The following DIS3 variants were observed in gnomAD, a reference collection of about 807,000 sequenced individuals.
The protein encoded by DIS3 is exosome complex exonuclease RRP44.
A neutral mutation model predicts 113.0 loss-of-function variants in DIS3; 103 were observed. That is an observed-to-expected ratio of 0.91 (90% CI 0.78 to 1.07). DIS3 has a LOEUF of 1.07. Among genes scored for constraint, DIS3 ranks in the 50% least tolerant of loss-of-function variants. The pLI is 0.00. For missense variants in DIS3, 1,121 were observed against 1,167.1 expected, an observed-to-expected ratio of 0.96 and a Z score of 0.58; for synonymous variants, 402 against 394.3, an observed-to-expected ratio of 1.02 and a Z score of -0.23.
In DIS3 at chr13:72,762,039, T is replaced by A; in HGVS notation, c.2226A>T (p.Ile742=). The A allele has an allele frequency of 6.2e-7, 1 of 1,614,154 alleles. No homozygotes were observed. Among genetic ancestry groups the A allele is most frequent in the Non-Finnish European group, 8.5e-7 (1 of 1,180,032 alleles). Residue 742 remains isoleucine, a synonymous_variant, in exon 17 of 21, where the codon ATA becomes ATT. Transcript: ENST00000377767. Reference sequence around the variant, plus strand: ...CTTGCATCATACAGCGAGTGGCTAATATTCTCAACAGAGTGTTTAGATATG... The same window carrying A: ...CTTGCATCATACAGCGAGTGGCTAAAATTCTCAACAGAGTGTTTAGATATG... The part of the protein sequence containing the change: ...TFPYLNTLLR[I]LATRCMMQAV...
Position 72,761,790 on chromosome 13 carries a change from C to T in DIS3, c.2367G>A (p.Arg789=). Residue 789 remains arginine, a synonymous_variant, in exon 18 of 21, where the codon CGG becomes CGA. Transcript: ENST00000377767. ...IRRYADVIVH[R]LLAVAIGADC... Reference sequence around the variant, plus strand: ...CAGCCCCAATAGCCACAGCCAAAAGCCGATGAACAATGACATCTGCGTATC... The same window carrying T: ...CAGCCCCAATAGCCACAGCCAAAAGTCGATGAACAATGACATCTGCGTATC... 6.2e-7 allele frequency: 1 copy of T among 1,613,174 alleles called. No individual in the cohort carries two copies. The highest frequency in any genetic ancestry group is 8.5e-7 in the Non-Finnish European group (1 of 1,179,808).
Position 72,774,050 on chromosome 13 carries a change from C to T in DIS3, c.997G>A (p.Ala333Thr), listed in dbSNP as rs147656371. 1.8e-4 allele frequency: 284 copies of T among 1,589,386 alleles called. No homozygotes were observed. Among genetic ancestry groups the T allele is most frequent in the Non-Finnish European group, 2.3e-4 (268 of 1,171,508 alleles). The change falls in exon 7 of 21, where the codon GCT becomes ACT. Residue 333 changes from alanine to threonine, a missense_variant. Ala to Thr is a moderately conservative substitution (Grantham distance 58). Coordinates refer to ENST00000377767, the MANE Select transcript of DIS3 (RefSeq NM_014953.5). ...GGCTTCAACATTTTCTCGCTTACAG[C>T]AGTCTTAAGCTGAGATATAAAAATT... ...EEETERMLKT[A>T]VSEKMLKPTG...
chr13:72,772,086 C>A, intron 10 of DIS3, 73 bp downstream of exon 10: 1 of 1,364,348 alleles, frequency 7.3e-7, no homozygotes, highest in South Asian at 1.3e-5. Context: ...CAAGCAAATT[C>A]TATTCTAGTT....
In DIS3 at chr13:72,771,794, C is replaced by T; in HGVS notation, c.1605+1G>A. ...TAAATTTTTAAATTCAATACATTTACCTTTTCACAAAGATACACAGTTGTT... is the reference window on the plus strand; with the variant it reads ...TAAATTTTTAAATTCAATACATTTATCTTTTCACAAAGATACACAGTTGTT... On this transcript the variant is annotated splice_donor_variant, in intron 11 of 20. Transcript: ENST00000377767. LOFTEE classifies it high-confidence loss of function. The T allele has an allele frequency of 1.2e-6, 2 of 1,612,222 alleles. No homozygotes were observed. Among genetic ancestry groups the T allele is most frequent in the Non-Finnish European group, 1.7e-6 (2 of 1,179,462 alleles).
rs987997043 is a variant in DIS3 at position 72,778,247 on chromosome 13, T to G, written c.520A>C (p.Ile174Leu). The G allele has an allele frequency of 5.6e-6, 9 of 1,609,244 alleles. No homozygotes were observed. Among genetic ancestry groups the G allele is most frequent in the African/African-American group, 4.0e-5 (3 of 74,912 alleles). ...TCTTTGTTTCTCCTGTCATTTGTTATGAAGATAACTTGCAGCTGGTTGTCT... is the reference window on the plus strand; with the variant it reads ...TCTTTGTTTCTCCTGTCATTTGTTAGGAAGATAACTTGCAGCTGGTTGTCT... ...SADNQLQVIFITNDRRNKEKA... is the reference protein window; with the variant it reads ...SADNQLQVIFLTNDRRNKEKA... The change falls in exon 3 of 21, where the codon ATA (isoleucine) becomes CTA (leucine). Residue 174 changes from isoleucine to leucine, a missense_variant. By Grantham distance (5) the Ile-to-Leu change is conservative. Coordinates refer to ENST00000377767, the MANE Select transcript of DIS3 (RefSeq NM_014953.5).
Position 72,755,595 on chromosome 13 carries a change from C to T in DIS3, c.*4200G>A, listed in dbSNP as rs1027514349. Reference sequence around the variant, plus strand: ...TGAAACTATGTTAAAACTGAAGGCACTATATATTTTTACATAAAAGCTTGA... The same window carrying T: ...TGAAACTATGTTAAAACTGAAGGCATTATATATTTTTACATAAAAGCTTGA... On this transcript the variant is annotated 3_prime_UTR_variant, in exon 21 of 21. Coordinates refer to ENST00000377767, the MANE Select transcript of DIS3 (RefSeq NM_014953.5). 5 of 342,134 alleles carry T rather than the reference C, an allele frequency of 1.5e-5. No individual in the cohort carries two copies. Among genetic ancestry groups the T allele is most frequent in the African/African-American group, 2.1e-5 (1 of 47,570 alleles). The allele number at this position is 342,134 out of a possible 1,614,324, so 21.2% of individuals were successfully genotyped here.
At chr13:72,775,433 G>A in intron 5 of DIS3, 58 bp from the exon 6 acceptor site, 2 of 1,499,880 alleles carry the variant, frequency 1.3e-6, no homozygotes, top group Non-Finnish European at 1.8e-6. Flanking sequence ...ATATAATAAA[G>A]GGAAGATCAT....
In DIS3 at chr13:72,762,988, T is replaced by C. The variant is rs371592837; in HGVS notation, c.2127+463A>G. 7.9e-5 allele frequency among the ~76,000 whole-genome samples: 12 copies of C among 152,192 alleles called. No individual in the cohort carries two copies. In the East Asian group the frequency reaches 1.2e-3, roughly 15 times the overall value. ...TTAGTCTAAACATCCAGCTTTAGCA[T>C]AGGGTGCTCTTTAAAAACATTAGGC... On this transcript the variant is annotated intron_variant, in intron 16 of 20. Coordinates refer to ENST00000377767, the MANE Select transcript of DIS3 (RefSeq NM_014953.5).
chr13:72,763,464 GC>G lies in DIS3; in HGVS notation c.2113del (p.Ala705GlnfsTer32). The G allele has an allele frequency of 6.2e-7, 1 of 1,613,250 alleles. No homozygotes were observed. The highest frequency in any genetic ancestry group is 8.5e-7 in the Non-Finnish European group (1 of 1,179,836). ...GTAGGACCTTACCCTTGACCTGGCT[GC>G]CTTAACAAGAATTTCATAATTTGAT... ...PPSNYEILVK[A>X]ARSRNLEIKT... is the part of the protein sequence containing the mutation. On this transcript the variant is annotated frameshift_variant, in exon 16 of 21. Transcript: ENST00000377767. LOFTEE classifies it high-confidence loss of function.
Position 72,775,210 on chromosome 13 carries a change from C to A in DIS3, c.987+1G>T. 2 of 1,610,414 alleles carry A rather than the reference C, an allele frequency of 1.2e-6. No homozygotes were observed. The highest frequency in any genetic ancestry group is 1.7e-6 in the Non-Finnish European group (2 of 1,178,362). On this transcript the variant is annotated splice_donor_variant, in intron 6 of 20. Transcript: ENST00000377767. LOFTEE classifies it high-confidence loss of function. ...AAAAAAAATCCTGCTTAGATTCATA[C>A]CATTCGTTCTGTCTCTTCTTCTTTC...
At position 72,775,225 on chromosome 13, in the gene DIS3, C is replaced by G; in HGVS notation, c.973G>C (p.Glu325Gln). The G allele has an allele frequency of 1.9e-6, 3 of 1,612,904 alleles. No individual in the cohort carries two copies. The highest frequency in any genetic ancestry group is 1.7e-4 in the Middle Eastern group (1 of 6,056). ...TAGATTCATACCATTCGTTCTGTCT[C>G]TTCTTCTTTCTCCACATCTTCTTCA... is the stretch of plus-strand genomic sequence containing the variant. ...QNEEDVEKEE[E>Q]TERMLKTAVS... Residue 325 changes from glutamate (E) to glutamine (Q), a missense_variant, in exon 6 of 21, where the codon GAG becomes CAG. This residue lies in a region of DIS3 where 861 missense variants were observed against 915.5 expected (regional missense o/e 0.94). Coordinates refer to ENST00000377767, the MANE Select transcript of DIS3 (RefSeq NM_014953.5).
Position 72,757,755 on chromosome 13 carries a change from G to A in DIS3, c.*2040C>T, listed in dbSNP as rs568383582. On this transcript the variant is annotated 3_prime_UTR_variant, in exon 21 of 21. Coordinates refer to ENST00000377767, the MANE Select transcript of DIS3 (RefSeq NM_014953.5). ...AAACTTTTTTAAATGGTTGGCGGGGGTGGGGGAAATCAAATGAGTAATGTT... is the reference window on the plus strand; with the variant it reads ...AAACTTTTTTAAATGGTTGGCGGGGATGGGGGAAATCAAATGAGTAATGTT... 1.0e-5 allele frequency: 2 copies of A among 194,056 alleles called. No homozygotes were observed. Among genetic ancestry groups the A allele is most frequent in the South Asian group, 1.9e-4 (1 of 5,172 alleles). The allele number at this position is 194,056 out of a possible 1,614,324, so 12.0% of individuals were successfully genotyped here. A position where few individuals can be genotyped will look rare whatever the true frequency, so the allele number is the denominator to read the frequency against.
At chr13:72,776,500 CAT>C (rs2034021706) in intron 4 of DIS3, among the ~76,000 whole-genome samples, 2 of 152,220 alleles carry the variant, frequency 1.3e-5, no homozygotes, top group African/African-American at 4.8e-5. Context: ...CATAAAGTAT[CAT>C]AAAGGTAAGA....
intron 3 of DIS3, 47 bp from the exon 4 acceptor site, chr13:72,777,540 G>T: frequency 6.5e-7 from 1 of 1,540,276 alleles, no homozygotes; most frequent in Non-Finnish European, 8.9e-7. Flanking sequence ...TTTTTCCTTA[G>T]ATATGAAAAA....
intron 8 of DIS3, 113 bp downstream of exon 8, chr13:72,773,571 T>C: frequency 8.2e-7 from 1 of 1,225,350 alleles, no homozygotes; most frequent in Admixed American, 2.7e-5. Flanking sequence ...GAAATATCTC[T>C]AAATTTCAGT....
intron 13 of DIS3, among the ~76,000 whole-genome samples, chr13:72,770,111 CACTA>C (rs1184024080): frequency 6.6e-6 from 1 of 152,142 alleles, no homozygotes; most frequent in Non-Finnish European, 1.5e-5. Context: ...ACTTTTAAAA[CACTA>C]ACCATTTATA....
intron 6 of DIS3, 26 bp from the exon 7 acceptor site, chr13:72,774,085 A>G: frequency 6.7e-7 from 1 of 1,490,712 alleles, no homozygotes. Flanking sequence ...TAAAATGTTC[A>G]GTTATATTCC....
In DIS3 at chr13:72,757,913, C is replaced by T. The variant is rs2033530473; in HGVS notation, c.*1882G>A. The T allele has an allele frequency of 4.9e-6, 1 of 202,172 alleles. No homozygotes were observed. Among genetic ancestry groups the T allele is most frequent in the Admixed American group, 6.0e-5 (1 of 16,642 alleles). 12.5% of individuals were successfully genotyped at this position (202,172 alleles called of 1,614,324 possible). On this transcript the variant is annotated 3_prime_UTR_variant, in exon 21 of 21. Transcript: ENST00000377767. The stretch of plus-strand genomic sequence containing the variant: ...TTGCCTGGGGACACAGCCATGGTAA[C>T]ATCATAGTGAAATTACTTTATGTAG...
chr13:72,762,831 T>TA (rs546972823), intron 16 of DIS3, among the ~76,000 whole-genome samples: 10,257 of 139,494 alleles, frequency 0.074, 422 homozygotes, highest in Non-Finnish European at 0.1. Flanking sequence ...AGTAAATAAA[T>TA]AAAAAAAAAA....
Sources: gnomAD v4.1 joint callset for allele counts (sites outside exome capture counted in the v4.1 genomes callset) on GRCh38, gnomAD v4.1.1 for gene constraint, gnomAD v4.1.1 regional missense constraint, MANE v1.5 for transcripts, NCBI Gene and HGNC (gene_info 2026-07-23, HGNC 2026-07-21) for gene names.